The following ATP8A2 variants were observed in gnomAD, a reference collection of about 807,000 sequenced individuals.
The protein encoded by ATP8A2 is phospholipid-transporting ATPase IB.
In ATP8A2, 100 loss-of-function variants were observed where a neutral mutation model predicts 165.6. The ratio of observed to expected loss-of-function variants is 0.60; its 90% CI spans 0.51 to 0.71. ATP8A2 has a LOEUF of 0.71. Ranked by LOEUF, ATP8A2 falls within the 30% of genes least tolerant of loss-of-function variation. ATP8A2 has a pLI of 0.00. For missense variants in ATP8A2, 1,227 were observed against 1,479.5 expected (o/e 0.83, Z 2.80); for synonymous variants, 543 against 548.8 (o/e 0.99, Z 0.15).
rs571388766 is a variant in ATP8A2, at chr13:25,839,693, A to AT, written c.2956+78dup. The AT allele has an allele frequency of 5.1e-4, 676 of 1,336,972 alleles. 1 individual carries two copies. Among genetic ancestry groups the AT allele is most frequent in the East Asian group, 2.2e-3 (95 of 43,158 alleles). 82.8% of individuals were successfully genotyped at this position (1,336,972 alleles called of 1,614,324 possible). ...CCGCTCTGCTGCCTGTGTGTTCACA[A>AT]TTTTTTTTTCCAGTTCTGCAGAACA... On this transcript the variant is annotated intron_variant, in intron 30 of 36. Transcript: ENST00000381655.
chr13:25,665,123 G>A (rs1009239140), intron 24 of ATP8A2, among the ~76,000 whole-genome samples: 24 of 152,168 alleles, frequency 1.6e-4, no homozygotes, highest in South Asian at 2.1e-4. Flanking sequence ...CCCGGTAGGC[G>A]GAGGTCCCCG....
chr13:25,721,848 T>C (rs9511890), intron 25 of ATP8A2, among the ~76,000 whole-genome samples: 23,812 of 152,266 alleles, frequency 0.16, 2,004 homozygotes, highest in South Asian at 0.19. Flanking sequence ...CATCAGTTGA[T>C]GGACATTTAG....
chr13:25,999,445 C>A (rs1326321860), intron 35 of ATP8A2, among the ~76,000 whole-genome samples: 3 of 152,278 alleles, frequency 2.0e-5, no homozygotes, highest in South Asian at 2.1e-4. Context: ...TCCTGCTGAA[C>A]CTTTTTCTCC....
intron 24 of ATP8A2, among the ~76,000 whole-genome samples, chr13:25,674,308 A>G (rs926634547): frequency 6.6e-6 from 1 of 150,920 alleles, no homozygotes; most frequent in African/African-American, 2.4e-5. Flanking sequence ...TGGCTCTTTT[A>G]GCTGCTTTAT....
intron 24 of ATP8A2, among the ~76,000 whole-genome samples, chr13:25,639,218 C>T (rs1425017704): frequency 2.6e-5 from 4 of 152,186 alleles, no homozygotes; most frequent in Admixed American, 6.5e-5. Flanking sequence ...AACCAGCTAA[C>T]ATTATAATGA....
intron 1 of ATP8A2, among the ~76,000 whole-genome samples, chr13:25,407,297 T>C (rs1360269902): frequency 6.6e-6 from 1 of 152,238 alleles, no homozygotes; most frequent in Non-Finnish European, 1.5e-5. Context: ...TCCCAGCCTG[T>C]ACCCAGAATC....
chr13:25,457,181 C>T (rs189079486), intron 1 of ATP8A2, among the ~76,000 whole-genome samples: 53 of 152,278 alleles, frequency 3.5e-4, no homozygotes, highest in Admixed American at 7.2e-4. Flanking sequence ...CTGCTACCAC[C>T]GCTAAAGCCT....
chr13:25,846,656 A>G (rs1369151772), intron 30 of ATP8A2, among the ~76,000 whole-genome samples: 2 of 152,172 alleles, frequency 1.3e-5, no homozygotes, highest in Admixed American at 6.5e-5. Flanking sequence ...TAATAAGGCC[A>G]TTGGCAGGTT....
chr13:25,904,550 C>T (rs1343986481), intron 33 of ATP8A2, among the ~76,000 whole-genome samples: 1 of 152,194 alleles, frequency 6.6e-6, no homozygotes, highest in Non-Finnish European at 1.5e-5. Flanking sequence ...GGGTGTGTTG[C>T]TGCCTCGTGC....
chr13:25,965,406 T>C (rs1333074445), intron 34 of ATP8A2, among the ~76,000 whole-genome samples: 2 of 152,174 alleles, frequency 1.3e-5, no homozygotes, highest in Non-Finnish European at 2.9e-5. Flanking sequence ...TATTAGACTA[T>C]CTTAAGTCAG....
At chr13:25,710,109 TA>T (rs1484838487) in intron 25 of ATP8A2, among the ~76,000 whole-genome samples, 4 of 152,310 alleles carry the variant, frequency 2.6e-5, no homozygotes, top group East Asian at 1.9e-4. Flanking sequence ...AGGAGACTTT[TA>T]TTTTTTTTAA....
intron 25 of ATP8A2, among the ~76,000 whole-genome samples, chr13:25,751,046 C>T (rs1017777128): frequency 6.6e-6 from 1 of 152,186 alleles, no homozygotes; most frequent in Non-Finnish European, 1.5e-5. Flanking sequence ...ACAAAAGCTC[C>T]ATTTTCCTGA....
chr13:25,641,505 A>G (rs2041520564), intron 24 of ATP8A2, among the ~76,000 whole-genome samples: 1 of 152,222 alleles, frequency 6.6e-6, no homozygotes, highest in Non-Finnish European at 1.5e-5. Context: ...CCCATTCACA[A>G]TTGCTTCAAA....
intron 24 of ATP8A2, among the ~76,000 whole-genome samples, chr13:25,601,880 G>A (rs1257874203): frequency 6.6e-6 from 1 of 152,232 alleles, no homozygotes; most frequent in African/African-American, 2.4e-5. Context: ...GGTCCGTTGA[G>A]TGCTTTTTCA....
At chr13:25,826,826 T>G (rs532762429) in intron 27 of ATP8A2, among the ~76,000 whole-genome samples, 1 of 151,232 alleles carries the variant, frequency 6.6e-6, no homozygotes, top group African/African-American at 2.4e-5. Context: ...GTCAGGTTTC[T>G]GTCCTCCCGG....
At chr13:25,585,939 A>C (rs2039909445) in intron 23 of ATP8A2, among the ~76,000 whole-genome samples, 1 of 152,228 alleles carries the variant, frequency 6.6e-6, no homozygotes, top group Non-Finnish European at 1.5e-5. Flanking sequence ...TAATTATGAG[A>C]CAAATCAGAG....
intron 34 of ATP8A2, among the ~76,000 whole-genome samples, chr13:25,965,595 G>A (rs755807735): frequency 2.0e-5 from 3 of 152,132 alleles, no homozygotes; most frequent in Non-Finnish European, 2.9e-5. Context: ...ATATCCCTGC[G>A]CTTATATTCA....
At chr13:25,512,498 C>T (rs1464516259) in intron 2 of ATP8A2, among the ~76,000 whole-genome samples, 3 of 151,270 alleles carry the variant, frequency 2.0e-5, no homozygotes, top group Admixed American at 2.0e-4. Context: ...GGGCGGCTGG[C>T]TGGGCGGGGG....
intron 25 of ATP8A2, among the ~76,000 whole-genome samples, chr13:25,754,453 C>T (rs1407574169): frequency 6.6e-6 from 1 of 151,624 alleles, no homozygotes; most frequent in Non-Finnish European, 1.5e-5. Context: ...ATATGAGCTA[C>T]AAATAGCTTC....
Sources: allele counts gnomAD v4.1 joint callset (sites outside exome capture counted in the v4.1 genomes callset), GRCh38; gene constraint gnomAD v4.1.1; transcripts MANE v1.5; gene names NCBI Gene and HGNC (gene_info 2026-07-23, HGNC 2026-07-21).